FGF9: variants seen among roughly 807,000 people sequenced by gnomAD.
FGF9 encodes fibroblast growth factor 9 (glia-activating factor).
FGF9 carries 3 observed loss-of-function variants against 19.9 expected under a neutral mutation model. The observed-to-expected ratio is 0.15, with a 90% CI of 0.07 to 0.39. FGF9 has a LOEUF of 0.39. Ranked by LOEUF, FGF9 falls within the 10% of genes least tolerant of loss-of-function variation. The pLI is 1.00. For synonymous variants in FGF9, 107 were observed against 106.9 expected (o/e 1.00, Z -0.01); for missense variants, 175 against 256.8 (o/e 0.68, Z 2.18).
chr13:21,696,446 A>G (rs1268050145), intron 2 of FGF9, among the ~76,000 whole-genome samples: 1 of 152,244 alleles, frequency 6.6e-6, no homozygotes, highest in Non-Finnish European at 1.5e-5. Context: ...ATAAACAGCT[A>G]TAGTTAAATA....
rs1871798265 is a variant in FGF9, at chr13:21,672,730, C to G, written c.277+541C>G. On this transcript the variant is annotated intron_variant, in intron 1 of 2. Transcript: ENST00000382353. This position sits in a 1 kb window ranked among gnomAD's most constrained non-coding sequence, Gnocchi z 4.2. Reference sequence around the variant, plus strand: ...TAGGCGAAGGTTGCTGACGGATTGTCCTGTTGGGAGGACTAAAGTCATATT... The same window carrying G: ...TAGGCGAAGGTTGCTGACGGATTGTGCTGTTGGGAGGACTAAAGTCATATT... Among the ~76,000 whole-genome samples, 2 of 152,150 alleles carry G rather than the reference C, an allele frequency of 1.3e-5. No homozygotes were observed. Among genetic ancestry groups the G allele is most frequent in the Non-Finnish European group, 2.9e-5 (2 of 68,030 alleles).
Position 21,701,654 on chromosome 13 carries a change from G to C in FGF9, c.*219G>C. 1 of 556,444 alleles carries C rather than the reference G, an allele frequency of 1.8e-6. No individual in the cohort carries two copies. Among genetic ancestry groups the C allele is most frequent in the East Asian group, 3.3e-5 (1 of 30,136 alleles). The allele number at this position is 556,444 out of a possible 1,614,324, so 34.5% of individuals were successfully genotyped here. On this transcript the variant is annotated 3_prime_UTR_variant, in exon 3 of 3. Transcript: ENST00000382353. ...GAGGGCTGCCTAGGGCCACTTGCTT[G>C]ATTTATCATGAGAGAAGAGGAGAGA...
rs1425856691 is a variant in FGF9 at position 21,691,086 on chromosome 13, T to TC, written c.381+9946dup. The stretch of plus-strand genomic sequence containing the variant: ...GCTCACAGGAACCCAACCCTGTATT[T>TC]CCCCCGGGAGCAATGGTTCAGTATT... On this transcript the variant is annotated intron_variant, in intron 2 of 2. Transcript: ENST00000382353. The surrounding 1 kb of genome is among the most constrained non-coding windows in gnomAD (Gnocchi z 4.2). Among the ~76,000 whole-genome samples the TC allele has an allele frequency of 6.6e-6, 1 of 152,162 alleles. No homozygotes were observed. Among genetic ancestry groups the TC allele is most frequent in the East Asian group, 1.9e-4 (1 of 5,198 alleles).
rs1872292372 is a variant in FGF9 at position 21,691,626 on chromosome 13, G to C, written c.382-9564G>C. On this transcript the variant is annotated intron_variant, in intron 2 of 2. Coordinates refer to ENST00000382353, the MANE Select transcript of FGF9 (RefSeq NM_002010.3). The surrounding 1 kb of genome is among the most constrained non-coding windows in gnomAD (Gnocchi z 4.2). ...GCAGCCCCTCCGGGGCTGTCGTTCA[G>C]CGTCCTGGCCCGAGAGATGCCCTCC... is the stretch of plus-strand genomic sequence containing the variant. Among the ~76,000 whole-genome samples the C allele has an allele frequency of 6.6e-6, 1 of 152,360 alleles. No homozygotes were observed. The highest frequency in any genetic ancestry group is 3.4e-3 in the Middle Eastern group (1 of 294).
chr13:21,682,318 A>G (rs1222643513), intron 2 of FGF9, among the ~76,000 whole-genome samples: 1 of 152,172 alleles, frequency 6.6e-6, no homozygotes, highest in Non-Finnish European at 1.5e-5. Context: ...TGAGAATTTA[A>G]TCCATGTTTT....
At chr13:21,693,982 A>G (rs1294703759) in intron 2 of FGF9, among the ~76,000 whole-genome samples, 1 of 151,410 alleles carries the variant, frequency 6.6e-6, no homozygotes, top group Non-Finnish European at 1.5e-5. Context: ...CCCTTTTTTC[A>G]TTTCCTGTTC....
In FGF9 at chr13:21,703,944, CTG is replaced by C. The variant is rs1872599884; in HGVS notation, c.*2511_*2512del. ...TGCTTTTGGCAATTGATACAATAAA[CTG>C]TAATGGTCTGTAAATAAATAAATAT... On this transcript the variant is annotated 3_prime_UTR_variant, in exon 3 of 3. Transcript: ENST00000382353. The C allele has an allele frequency of 1.3e-5, 2 of 150,932 alleles. No homozygotes were observed. The allele number at this position is 150,932 out of a possible 1,614,324, so 9.3% of individuals were successfully genotyped here.
chr13:21,693,388 G>A (rs1872336543), intron 2 of FGF9, among the ~76,000 whole-genome samples: 1 of 152,098 alleles, frequency 6.6e-6, no homozygotes, highest in Admixed American at 6.5e-5. Flanking sequence ...ACATGGGGGT[G>A]CTGAGGGGAC....
intron 2 of FGF9, among the ~76,000 whole-genome samples, chr13:21,692,331 T>G (rs1159391638): frequency 2.0e-5 from 3 of 152,214 alleles, no homozygotes; most frequent in African/African-American, 7.2e-5. Context: ...TCAGCTATTT[T>G]TCTTCTGGTT....
In FGF9 at chr13:21,702,571, T is replaced by C. The variant is rs1872573325; in HGVS notation, c.*1136T>C. On this transcript the variant is annotated 3_prime_UTR_variant, in exon 3 of 3. Coordinates refer to ENST00000382353, the MANE Select transcript of FGF9 (RefSeq NM_002010.3). Reference sequence around the variant, plus strand: ...AGAATGACAGTATTAACATCAAACATTGTATTGATTTAGAATTCTCAAAAA... The same window carrying C: ...AGAATGACAGTATTAACATCAAACACTGTATTGATTTAGAATTCTCAAAAA... 6.6e-6 allele frequency: 1 copy of C among 152,212 alleles called. No individual in the cohort carries two copies. Among genetic ancestry groups the C allele is most frequent in the Non-Finnish European group, 1.5e-5 (1 of 68,040 alleles). The allele number at this position is 152,212 out of a possible 1,614,324, so 9.4% of individuals were successfully genotyped here. A position where few individuals can be genotyped will look rare whatever the true frequency, so the allele number is the denominator to read the frequency against.
chr13:21,692,959 G>T (rs1210572182), intron 2 of FGF9, among the ~76,000 whole-genome samples: 2 of 152,104 alleles, frequency 1.3e-5, no homozygotes, highest in Admixed American at 1.3e-4. Flanking sequence ...CTTTTATGAG[G>T]GGTTTAATTT....
rs141338919 is a variant in FGF9 at position 21,694,176 on chromosome 13, A to G, written c.382-7014A>G. The stretch of plus-strand genomic sequence containing the variant: ...TCGACTCACCCACAGTTACCCGAGT[A>G]TGTGTGTGTGTTGCTGGAAGGTCAG... On this transcript the variant is annotated intron_variant, in intron 2 of 2. Transcript: ENST00000382353. 2.7e-3 allele frequency among the ~76,000 whole-genome samples: 412 copies of G among 152,232 alleles called. 1 individual carries two copies. Among genetic ancestry groups the G allele is most frequent in the African/African-American group, 9.4e-3 (391 of 41,532 alleles).
At chr13:21,679,754 C>G (rs961842623) in intron 1 of FGF9, among the ~76,000 whole-genome samples, 2 of 125,412 alleles carry the variant, frequency 1.6e-5, no homozygotes. Flanking sequence ...CTGGCTAACA[C>G]AGTGAAACCC....
chr13:21,674,966 T>C (rs937741458), intron 1 of FGF9, among the ~76,000 whole-genome samples: 2 of 141,634 alleles, frequency 1.4e-5, no homozygotes, highest in Admixed American at 7.2e-5. Flanking sequence ...GTCAGGGAAG[T>C]GGCATCTCCA....
intron 1 of FGF9, among the ~76,000 whole-genome samples, chr13:21,676,868 CT>C (rs777081580): frequency 1.3e-5 from 2 of 152,144 alleles, no homozygotes; most frequent in Non-Finnish European, 2.9e-5. Flanking sequence ...CACAGATGGG[CT>C]CTAGGGGGCG....
intron 1 of FGF9, among the ~76,000 whole-genome samples, chr13:21,677,056 CAAA>C (rs1871933295): frequency 1.3e-5 from 2 of 152,176 alleles, no homozygotes; most frequent in Admixed American, 1.3e-4. Context: ...CACACCTCAT[CAAA>C]TCCAATGGGG....
intron 2 of FGF9, among the ~76,000 whole-genome samples, chr13:21,692,218 A>G (rs1323865898): frequency 6.6e-6 from 1 of 152,130 alleles, no homozygotes; most frequent in Non-Finnish European, 1.5e-5. Context: ...GTCCGCTCTC[A>G]GCTTTAGGTT....
intron 2 of FGF9, among the ~76,000 whole-genome samples, chr13:21,685,624 A>G (rs17070311): frequency 1.4e-4 from 22 of 152,312 alleles, no homozygotes; most frequent in African/African-American, 5.3e-4. Context: ...TTTATTTCCT[A>G]TTTATAGCTT....
chr13:21,681,077 G>C lies in FGF9; in HGVS notation c.313G>C (p.Val105Leu). 3 of 1,614,062 alleles carry C rather than the reference G, an allele frequency of 1.9e-6. No homozygotes were observed. The highest frequency in any genetic ancestry group is 2.5e-6 in the Non-Finnish European group (3 of 1,179,972). The change falls in exon 2 of 3, where the codon GTC becomes CTC. Residue 105 changes from valine to leucine, a missense_variant. By Grantham distance (32) the Val-to-Leu change is conservative. Around this residue, in one of 3 missense-constraint regions of FGF9, gnomAD observed 101 missense variants for 160.7 expected, o/e 0.63. Transcript: ENST00000382353. ...LEFISIAVGL[V>L]SIRGVDSGLY... is the part of the protein sequence containing the mutation. ...ATTTATCAGTATAGCAGTGGGCCTGGTCAGCATTCGAGGCGTGGACAGTGG... is the reference window on the plus strand; with the variant it reads ...ATTTATCAGTATAGCAGTGGGCCTGCTCAGCATTCGAGGCGTGGACAGTGG...
Sources: gnomAD v4.1 joint callset for allele counts (sites outside exome capture counted in the v4.1 genomes callset) on GRCh38, gnomAD v4.1.1 for gene constraint, gnomAD v4.1.1 regional missense constraint, Gnocchi (gnomAD v3.1) non-coding constraint, MANE v1.5 for transcripts, NCBI Gene and HGNC (gene_info 2026-07-23, HGNC 2026-07-21) for gene names.